Variants in SLC17A6 observed in about 807,000 individuals in gnomAD.
SLC17A6 encodes the protein vesicular glutamate transporter 2.
Under a neutral mutation model 67.1 loss-of-function variants are expected in SLC17A6, and 35 were observed. The ratio of observed to expected loss-of-function variants is 0.52; its 90% CI spans 0.40 to 0.69. SLC17A6 has a LOEUF of 0.69. Among genes scored for constraint, SLC17A6 ranks in the 30% least tolerant of loss-of-function variants. SLC17A6 has a pLI of 0.00. For missense variants in SLC17A6, 588 were observed against 723.9 expected, an observed-to-expected ratio of 0.81 and a Z score of 2.15; for synonymous variants, 285 against 252.3, an observed-to-expected ratio of 1.13 and a Z score of -1.23.
intron 3 of SLC17A6, among the ~76,000 whole-genome samples, chr11:22,358,625 C>T (rs1044880260): frequency 6.6e-6 from 1 of 152,162 alleles, no homozygotes; most frequent in Non-Finnish European, 1.5e-5. Context: ...TGAGCCACTG[C>T]ACCCGACCAG....
chr11:22,373,474 T>A (rs1320409586), intron 8 of SLC17A6, among the ~76,000 whole-genome samples: 2 of 151,898 alleles, frequency 1.3e-5, no homozygotes, highest in African/African-American at 4.8e-5. Context: ...TTTTTTTTTT[T>A]AATGTCAGTT....
chr11:22,365,420 T>C (rs1856100382), intron 6 of SLC17A6, 127 bp from the exon 7 acceptor site: 3 of 1,114,536 alleles, frequency 2.7e-6, no homozygotes, highest in East Asian at 4.8e-5. Context: ...CTAACGTCAG[T>C]TGGAGAAACA....
At chr11:22,366,218 C>A (rs1196116200) in intron 7 of SLC17A6, among the ~76,000 whole-genome samples, 1 of 152,000 alleles carries the variant, frequency 6.6e-6, no homozygotes, top group Admixed American at 6.5e-5. Context: ...GTGACTAATG[C>A]TAAAATAGAA....
chr11:22,352,057 G>A (rs908196814), intron 3 of SLC17A6, among the ~76,000 whole-genome samples: 5 of 144,902 alleles, frequency 3.5e-5, no homozygotes, highest in African/African-American at 1.0e-4. Flanking sequence ...TGAATGGTGA[G>A]GTTCTTTAAG....
chr11:22,353,525 G>C (rs4922996), intron 3 of SLC17A6, among the ~76,000 whole-genome samples: 1 of 151,834 alleles, frequency 6.6e-6, no homozygotes. Context: ...ATTTTCACAG[G>C]GTAATAAAAA....
chr11:22,364,465 C>T (rs1033890716), intron 6 of SLC17A6, among the ~76,000 whole-genome samples: 4 of 152,114 alleles, frequency 2.6e-5, no homozygotes, highest in South Asian at 4.2e-4. Context: ...GATCATATAG[C>T]GAATAAATGA....
chr11:22,354,545 T>G (rs1855977178), intron 3 of SLC17A6, among the ~76,000 whole-genome samples: 1 of 152,206 alleles, frequency 6.6e-6, no homozygotes, highest in Non-Finnish European at 1.5e-5. Flanking sequence ...AGAATTCTGC[T>G]TTCACTTCCC....
chr11:22,350,642 T>C (rs747498319), intron 3 of SLC17A6, among the ~76,000 whole-genome samples: 3 of 152,182 alleles, frequency 2.0e-5, no homozygotes, highest in African/African-American at 2.4e-5. Context: ...TTTTACACAT[T>C]AGTTTGCACA....
rs1856217330 is a variant in SLC17A6, at chr11:22,375,032, A to G, written c.1174+145A>G. 1.1e-5 allele frequency: 9 copies of G among 834,640 alleles called. No homozygotes were observed. The South Asian group carries it at 1.6e-4, about 14-fold the overall frequency. The allele number at this position is 834,640 out of a possible 1,614,324, so 51.7% of individuals were successfully genotyped here. A position where few individuals can be genotyped will look rare whatever the true frequency, so the allele number is the denominator to read the frequency against. ...TATTCACTTAAAATAACTTCCTCAT[A>G]TTACATCAAATTTTTCATAACTCCT... On this transcript the variant is annotated intron_variant, in intron 9 of 11. Transcript: ENST00000263160.
chr11:22,365,814 T>C, intron 7 of SLC17A6, 125 bp downstream of exon 7: 1 of 1,032,502 alleles, frequency 9.7e-7, no homozygotes. Flanking sequence ...CTTCTTTTAT[T>C]TTGGTCCATC....
chr11:22,350,719 G>A (rs993035716), intron 3 of SLC17A6, among the ~76,000 whole-genome samples: 1 of 152,138 alleles, frequency 6.6e-6, no homozygotes, highest in African/African-American at 2.4e-5. Flanking sequence ...CACACCAGAA[G>A]TGGGTTTTAA....
intron 4 of SLC17A6, among the ~76,000 whole-genome samples, chr11:22,360,537 C>CCCA (rs764780383): frequency 2.4e-5 from 3 of 126,850 alleles, no homozygotes; most frequent in African/African-American, 5.4e-5. Flanking sequence ...CCCCCCCCCC[C>CCCA]AAAAAAAAGA....
At chr11:22,344,277 C>T (rs1168141267) in intron 3 of SLC17A6, among the ~76,000 whole-genome samples, 4 of 152,280 alleles carry the variant, frequency 2.6e-5, no homozygotes, top group Non-Finnish European at 5.9e-5. Context: ...ATTCCTCTTC[C>T]TACACCCAAA....
At chr11:22,366,272 C>T (rs66974822) in intron 7 of SLC17A6, among the ~76,000 whole-genome samples, 1 of 151,734 alleles carries the variant, frequency 6.6e-6, no homozygotes, top group Non-Finnish European at 1.5e-5. Context: ...ATGTGCCCCC[C>T]CCACCCTGTA....
intron 3 of SLC17A6, among the ~76,000 whole-genome samples, chr11:22,356,137 G>A (rs991140184): frequency 2.0e-5 from 3 of 152,180 alleles, no homozygotes; most frequent in African/African-American, 7.2e-5. Context: ...TAAAATGAGA[G>A]GAAAGTGTAA....
At chr11:22,359,243 A>C (rs1040641312) in intron 3 of SLC17A6, among the ~76,000 whole-genome samples, 170 bp from the exon 4 acceptor site, 2 of 152,230 alleles carry the variant, frequency 1.3e-5, no homozygotes, top group Non-Finnish European at 2.9e-5. Flanking sequence ...GTATATATTC[A>C]CAATGGCTAG....
rs1947141 is a variant in SLC17A6 at position 22,374,606 on chromosome 11, T to C, written c.1042-149T>C. On this transcript the variant is annotated intron_variant, in intron 8 of 11. Transcript: ENST00000263160. ...TTATTCTGTGGAAGGCATTACTTTT[T>C]CTAGGAATGAGTAAGTGATCATTTG... 7,523 of 629,086 alleles carry C rather than the reference T, an allele frequency of 0.012. 422 individuals are homozygous for C. The African/African-American group carries it at 0.12, about 10-fold the overall frequency. The allele number at this position is 629,086 out of a possible 1,614,324, so 39.0% of individuals were successfully genotyped here.
rs748690527 is a variant in SLC17A6, at chr11:22,370,116, C to T, written c.969C>T (p.Ser323=). The T allele has an allele frequency of 6.2e-7, 1 of 1,612,168 alleles. No homozygotes were observed. Among genetic ancestry groups the T allele is most frequent in the Non-Finnish European group, 8.5e-7 (1 of 1,179,094 alleles). ...TAATTGTTGCAAACTTCTGCAGAAG[C>T]TGGACTTTTTATTTATTGCTTATTA... is the stretch of plus-strand genomic sequence containing the variant. ...YAIIVANFCR[S]WTFYLLLISQ... The change falls in exon 8 of 12, where the codon AGC becomes AGT. Residue 323 remains serine, a synonymous_variant. Coordinates refer to ENST00000263160, the MANE Select transcript of SLC17A6 (RefSeq NM_020346.3).
chr11:22,357,171 A>G (rs1422598432), intron 3 of SLC17A6, among the ~76,000 whole-genome samples: 1 of 152,186 alleles, frequency 6.6e-6, no homozygotes, highest in Non-Finnish European at 1.5e-5. Flanking sequence ...GATTTTACTT[A>G]TCTTAGGTTT....
Sources: allele counts gnomAD v4.1 joint callset (sites outside exome capture counted in the v4.1 genomes callset), GRCh38; gene constraint gnomAD v4.1.1; transcripts MANE v1.5; gene names NCBI Gene and HGNC (gene_info 2026-07-23, HGNC 2026-07-21).